The following DENND4A variants were observed in gnomAD, a reference collection of about 807,000 sequenced individuals.
DENND4A encodes the protein C-myc promoter-binding protein.
DENND4A carries 70 observed loss-of-function variants against 199.3 expected under a neutral mutation model. The observed-to-expected ratio is 0.35, with a 90% confidence interval of 0.29 to 0.43. The LOEUF (loss-of-function observed/expected upper bound fraction) is 0.43, where lower values mean the gene tolerates loss of function less well. Ranked by LOEUF, DENND4A falls within the 20% of genes least tolerant of loss-of-function variation. The pLI is 1.00. For synonymous variants in DENND4A, 686 were observed against 766.9 expected, an observed-to-expected ratio of 0.89 and a Z score of 1.74; for missense variants, 1,723 against 2,255.8, an observed-to-expected ratio of 0.76 and a Z score of 4.78.
At chr15:65,690,092 C>A (rs1330294009) in intron 23 of DENND4A, among the ~76,000 whole-genome samples, 1 of 152,140 alleles carries the variant, frequency 6.6e-6, no homozygotes, top group African/African-American at 2.4e-5. Flanking sequence ...TTTTTGAGGG[C>A]ATATTGGACA....
intron 1 of DENND4A, among the ~76,000 whole-genome samples, chr15:65,787,487 T>C (rs893518864): frequency 6.6e-6 from 1 of 152,194 alleles, no homozygotes; most frequent in African/African-American, 2.4e-5. Flanking sequence ...CTTGTGATTT[T>C]TAACAGAAGG....
intron 1 of DENND4A, among the ~76,000 whole-genome samples, chr15:65,764,026 A>G (rs2076920903): frequency 6.6e-6 from 1 of 152,246 alleles, no homozygotes; most frequent in African/African-American, 2.4e-5. Flanking sequence ...AAATACTTGT[A>G]AATTTTGAAA....
chr15:65,668,035 A>G lies in DENND4A; in HGVS notation c.4876T>C (p.Phe1626Leu). 1 of 1,612,624 alleles carries G rather than the reference A, an allele frequency of 6.2e-7. No homozygotes were observed. The highest frequency in any genetic ancestry group is 8.5e-7 in the Non-Finnish European group (1 of 1,179,558). The change falls in exon 28 of 33, where the codon TTT becomes CTT. Residue 1626 changes from phenylalanine to leucine, a missense_variant. Physicochemically the swap from Phe to Leu is conservative, Grantham distance 22 (BLOSUM62 0). Transcript: ENST00000443035. The stretch of plus-strand genomic sequence containing the variant: ...GTACTAATACTCCTGGCCATTGGAA[A>G]TATTGGACATTTAGACATAGCTGTT... The part of the protein sequence containing the change: ...SKTAMSKCPI[F>L]PMARSISTSG...
chr15:65,782,963 G>A (rs912957367), intron 1 of DENND4A, among the ~76,000 whole-genome samples: 1 of 148,314 alleles, frequency 6.7e-6, no homozygotes, highest in Admixed American at 6.7e-5. Context: ...TGATGGAAGG[G>A]ATCTTTTTTT....
intron 14 of DENND4A, among the ~76,000 whole-genome samples, chr15:65,706,447 AACAC>A (rs77421887): frequency 0.074 from 9,692 of 130,170 alleles, 404 homozygotes; most frequent in Non-Finnish European, 0.096. Flanking sequence ...AGGGGAAAAT[AACAC>A]ACACACACAC....
intron 1 of DENND4A, among the ~76,000 whole-genome samples, chr15:65,774,207 T>C (rs1379220527): frequency 6.6e-6 from 1 of 152,032 alleles, no homozygotes; most frequent in Admixed American, 6.6e-5. Context: ...AATAAAAAAA[T>C]TGGCCAGGCA....
At chr15:65,741,566 A>G (rs1264365232) in intron 5 of DENND4A, 149 bp downstream of exon 5, 3 of 514,004 alleles carry the variant, frequency 5.8e-6, no homozygotes, top group South Asian at 4.0e-5. Flanking sequence ...CAATAAACAT[A>G]TAAGTGAAGA....
At chr15:65,667,311 A>G (rs2076075541) in intron 29 of DENND4A, 138 bp downstream of exon 29, 2 of 1,052,662 alleles carry the variant, frequency 1.9e-6, no homozygotes, top group Middle Eastern at 3.1e-4. Flanking sequence ...GCCTGGCGAA[A>G]GAGTGAGACT....
chr15:65,724,026 T>C (rs1296123487), intron 11 of DENND4A, among the ~76,000 whole-genome samples: 1 of 152,072 alleles, frequency 6.6e-6, no homozygotes, highest in Non-Finnish European at 1.5e-5. Context: ...TGCAAAGCAT[T>C]TGGACTTAAA....
intron 3 of DENND4A, among the ~76,000 whole-genome samples, chr15:65,755,127 C>T (rs1424786142): frequency 2.0e-5 from 3 of 152,086 alleles, no homozygotes; most frequent in African/African-American, 4.8e-5. Flanking sequence ...AAACATTATG[C>T]TAAGAAGTCA....
chr15:65,677,927 CTTTTTTTT>C lies in DENND4A; in HGVS notation c.4180-1301_4180-1294del, dbSNP rs11071847. Among the ~76,000 whole-genome samples the C allele has an allele frequency of 8.0e-5, 8 of 100,102 alleles. No individual in the cohort carries two copies. The South Asian group carries it at 1.0e-3, about 13-fold the overall frequency. 65.7% of individuals were successfully genotyped at this position (100,102 alleles called of 152,430 possible). ...TATTTTAGAGTGCAGCCTCTTATCT[CTTTTTTTT>C]TTTTTTTTTTTTCAAAGAATTTTGG... On this transcript the variant is annotated intron_variant, in intron 23 of 32. Coordinates refer to ENST00000443035, the MANE Select transcript of DENND4A (RefSeq NM_001320835.1).
chr15:65,671,322 G>C (rs1167361161), intron 25 of DENND4A, among the ~76,000 whole-genome samples: 3 of 152,136 alleles, frequency 2.0e-5, no homozygotes, highest in Non-Finnish European at 4.4e-5. Flanking sequence ...ATATCCAAAA[G>C]CTAAATTTTA....
At chr15:65,758,047 G>T (rs2076756697) in intron 2 of DENND4A, among the ~76,000 whole-genome samples, 1 of 152,060 alleles carries the variant, frequency 6.6e-6, no homozygotes, top group Admixed American at 6.6e-5. Flanking sequence ...GTTCTTGAGG[G>T]TACAGCCTCA....
intron 1 of DENND4A, among the ~76,000 whole-genome samples, chr15:65,789,126 C>T (rs1032691928): frequency 2.6e-5 from 4 of 151,816 alleles, no homozygotes; most frequent in African/African-American, 9.7e-5. Context: ...TTCACCATTC[C>T]CATACTATAA....
At chr15:65,731,877 T>A (rs939229390) in intron 8 of DENND4A, among the ~76,000 whole-genome samples, 177 bp from the exon 9 acceptor site, 1 of 152,096 alleles carries the variant, frequency 6.6e-6, no homozygotes. Flanking sequence ...TCCTGACCCC[T>A]TTCAACTACT....
intron 11 of DENND4A, among the ~76,000 whole-genome samples, chr15:65,727,269 G>T (rs2075827828): frequency 6.6e-6 from 1 of 151,592 alleles, no homozygotes; most frequent in African/African-American, 2.4e-5. Context: ...TGGCTAACAT[G>T]GTGAAACCCC....
intron 1 of DENND4A, among the ~76,000 whole-genome samples, chr15:65,789,509 TA>T (rs11326570): frequency 0.28 from 39,312 of 142,054 alleles, 5,888 homozygotes; most frequent in East Asian, 0.78. Flanking sequence ...GGTATTAGAT[TA>T]AAAAAAAAAA....
intron 22 of DENND4A, 48 bp downstream of exon 22, chr15:65,696,318 C>T: frequency 6.3e-7 from 1 of 1,576,036 alleles, no homozygotes; most frequent in Non-Finnish European, 8.6e-7. Context: ...ACTAGTCATA[C>T]AGATACAATT....
chr15:65,659,233 T>C lies in DENND4A; in HGVS notation c.*2618A>G, dbSNP rs1283799516. On this transcript the variant is annotated 3_prime_UTR_variant, in exon 33 of 33. Transcript: ENST00000443035. Reference sequence around the variant, plus strand: ...AGCAAAAGGGCATTTCTCTCCAACATGATTGGCCATTATTCTCCAAAATGT... The same window carrying C: ...AGCAAAAGGGCATTTCTCTCCAACACGATTGGCCATTATTCTCCAAAATGT... 6.6e-6 allele frequency: 1 copy of C among 150,890 alleles called. No individual in the cohort carries two copies. Among genetic ancestry groups the C allele is most frequent in the Non-Finnish European group, 1.5e-5 (1 of 67,844 alleles). 9.3% of individuals were successfully genotyped at this position (150,890 alleles called of 1,614,324 possible).
Sources: allele counts gnomAD v4.1 joint callset (sites outside exome capture counted in the v4.1 genomes callset), GRCh38; gene constraint gnomAD v4.1.1; transcripts MANE v1.5; gene names NCBI Gene and HGNC (gene_info 2026-07-23, HGNC 2026-07-21).